The following KANK1 variants were observed in gnomAD, a reference collection of about 807,000 sequenced individuals.
KANK1 encodes the protein KN motif and ankyrin repeat domains 1.
A neutral mutation model predicts 106.2 loss-of-function variants in KANK1; 109 were observed. The ratio of observed to expected loss-of-function variants is 1.03; its 90% CI spans 0.88 to 1.20. KANK1 has a LOEUF of 1.20. KANK1 is among the 50% of genes most tolerant of loss of function. The pLI is 0.00. For synonymous variants in KANK1, 873 were observed against 652.2 expected (o/e 1.34, Z -5.16); for missense variants, 2,399 against 1,710.7 (o/e 1.40, Z -7.10).
intron 1 of KANK1, among the ~76,000 whole-genome samples, chr9:639,653 C>A (rs1407665078): frequency 1.3e-5 from 2 of 152,212 alleles, no homozygotes; most frequent in African/African-American, 4.8e-5. Context: ...GCCACACCCT[C>A]TGCCTTCTGT....
At chr9:563,179 AT>A (rs1816931846) in intron 1 of KANK1, among the ~76,000 whole-genome samples, 1 of 83,874 alleles carries the variant, frequency 1.2e-5, no homozygotes. Flanking sequence ...TGAATGAAAT[AT>A]TTTGTCAGAC....
intron 1 of KANK1, among the ~76,000 whole-genome samples, chr9:511,943 C>T (rs7849531): frequency 0.15 from 22,766 of 151,986 alleles, 3,291 homozygotes; most frequent in African/African-American, 0.38. Context: ...CTGCTGCTTT[C>T]GGTGTTGACT....
At chr9:618,736 C>G (rs1232793070) in intron 1 of KANK1, among the ~76,000 whole-genome samples, 1 of 152,048 alleles carries the variant, frequency 6.6e-6, no homozygotes, top group Admixed American at 6.5e-5. Flanking sequence ...ACCACAACAT[C>G]CAAACTGGTC....
chr9:714,624 C>G (rs573484242), intron 3 of KANK1, among the ~76,000 whole-genome samples: 2 of 152,222 alleles, frequency 1.3e-5, no homozygotes, highest in Admixed American at 1.3e-4. Flanking sequence ...TCCCAAAGTG[C>G]TGGGATTACA....
chr9:689,949 T>C (rs1819473489), intron 2 of KANK1, among the ~76,000 whole-genome samples: 2 of 151,748 alleles, frequency 1.3e-5, no homozygotes, highest in African/African-American at 4.8e-5. Flanking sequence ...TTGTTTTGAT[T>C]GTTGTCCTTG....
intron 1 of KANK1, among the ~76,000 whole-genome samples, chr9:576,754 G>A (rs988779594): frequency 1.0e-4 from 15 of 150,652 alleles, no homozygotes; most frequent in Non-Finnish European, 1.3e-4. Flanking sequence ...GAAGAGGAGG[G>A]ACCTTGTTTT....
chr9:609,359 G>GGCTCACGCCTGTAATCCCA (rs1830056914), intron 1 of KANK1, among the ~76,000 whole-genome samples: 2 of 152,142 alleles, frequency 1.3e-5, no homozygotes, highest in African/African-American at 4.8e-5. Flanking sequence ...TGGGCATCGT[G>GGCTCACGCCTGTAATCCCA]GCTCACGCCT....
chr9:517,290 G>A (rs893014944), intron 1 of KANK1, among the ~76,000 whole-genome samples: 8 of 151,612 alleles, frequency 5.3e-5, no homozygotes, highest in Non-Finnish European at 1.5e-5. Flanking sequence ...TTTGAGTAGA[G>A]ACAGGGTTTC....
Position 744,539 on chromosome 9 carries a change from A to G in KANK1, c.3946A>G (p.Ile1316Val), listed in dbSNP as rs971050885. The G allele has an allele frequency of 5.0e-6, 8 of 1,614,066 alleles. No individual in the cohort carries two copies. In the African/African-American group the frequency reaches 6.7e-5, roughly 13 times the overall value. ...CGCCCTGGAAGCAGGACACAAGGAC[A>G]TCGCTGTTCTTCTGTATGCCCATGT... ...SIALEAGHKD[I>V]AVLLYAHVNF... Residue 1316 changes from isoleucine (I) to valine (V), a missense_variant, in exon 11 of 12, where the codon ATC (isoleucine) becomes GTC (valine). Transcript: ENST00000382297.
chr9:732,577 G>T lies in KANK1; in HGVS notation c.3205G>T (p.Val1069Phe), dbSNP rs751843923. ...KSARVEDEMQ[V>F]QECEPEKVEI... is the part of the protein sequence containing the mutation. ...TGCCAGGGTGGAAGATGAAATGCAG[G>T]TTCAAGAATGTGAACCTGAGAAGGT... is the stretch of plus-strand genomic sequence containing the variant. The change falls in exon 6 of 12, where the codon GTT becomes TTT. Residue 1069 changes from valine (V) to phenylalanine (F), a missense_variant. Physicochemically the swap from Val to Phe is conservative, Grantham distance 50. Transcript: ENST00000382297. 4.3e-6 allele frequency: 7 copies of T among 1,614,068 alleles called. No individual in the cohort carries two copies. Among genetic ancestry groups the T allele is most frequent in the South Asian group, 1.1e-5 (1 of 91,086 alleles).
chr9:485,435 C>A (rs1458658223), intron 3 of KANK1, among the ~76,000 whole-genome samples: 1 of 152,172 alleles, frequency 6.6e-6, no homozygotes, highest in East Asian at 1.9e-4. Context: ...ACAAAAAGAT[C>A]TCTTGTGCCA....
chr9:543,970 T>C (rs556571782), intron 1 of KANK1, among the ~76,000 whole-genome samples: 2 of 152,288 alleles, frequency 1.3e-5, no homozygotes, highest in Admixed American at 6.5e-5. Flanking sequence ...ACGCTATCTT[T>C]ATTTGCTTAG....
intron 2 of KANK1, among the ~76,000 whole-genome samples, chr9:682,240 A>G (rs1477169154): frequency 6.6e-6 from 1 of 151,974 alleles, no homozygotes; most frequent in Non-Finnish European, 1.5e-5. Context: ...ACACAGTGCT[A>G]CTGCACTCCA....
At chr9:482,163 A>G (rs1212963760) in intron 3 of KANK1, among the ~76,000 whole-genome samples, 2 of 152,282 alleles carry the variant, frequency 1.3e-5, no homozygotes, top group East Asian at 1.9e-4. Context: ...CGCCTGGTAC[A>G]TATCCCAGCC....
intron 1 of KANK1, among the ~76,000 whole-genome samples, chr9:653,642 G>A (rs1333264986): frequency 6.6e-6 from 1 of 152,100 alleles, no homozygotes; most frequent in Non-Finnish European, 1.5e-5. Flanking sequence ...TGTAAAGCCT[G>A]TCCCTGGGTT....
Position 711,040 on chromosome 9 carries a change from C to G in KANK1, c.274C>G (p.Leu92Val), listed in dbSNP as rs769916922. 15 of 1,614,176 alleles carry G rather than the reference C, an allele frequency of 9.3e-6. No individual in the cohort carries two copies. The highest frequency in any genetic ancestry group is 1.3e-5 in the Non-Finnish European group (15 of 1,180,024). ...AGGTATATGGACTTCCACTGAATCC[C>G]TCTCATCCTCCAACAGTGATGACAA... ...QQGIWTSTESLSSSNSDDNKQ... is the reference protein window; with the variant it reads ...QQGIWTSTESVSSSNSDDNKQ... The change falls in exon 3 of 12, where the codon CTC becomes GTC. Residue 92 changes from leucine to valine, a missense_variant. Coordinates refer to ENST00000382297, the MANE Select transcript of KANK1 (RefSeq NM_015158.5).
chr9:681,678 G>T (rs1817583796), intron 2 of KANK1, among the ~76,000 whole-genome samples: 1 of 152,116 alleles, frequency 6.6e-6, no homozygotes, highest in Non-Finnish European at 1.5e-5. Flanking sequence ...TTGTTCTCTT[G>T]TCCTTGTCAT....
chr9:581,827 G>A (rs1296216132), intron 1 of KANK1, among the ~76,000 whole-genome samples: 1 of 152,090 alleles, frequency 6.6e-6, no homozygotes, highest in African/African-American at 2.4e-5. Flanking sequence ...GCTAGGGAGG[G>A]TGCTTTGTCA....
chr9:545,746 TTTTTTAA>T (rs2060889280), intron 1 of KANK1, among the ~76,000 whole-genome samples: 1 of 108,466 alleles, frequency 9.2e-6, no homozygotes, highest in Admixed American at 1.2e-4. Context: ...TTTTTTTTTT[TTTTTTAA>T]ATTCCCTGAG....
Sources: gnomAD v4.1 joint callset for allele counts (sites outside exome capture counted in the v4.1 genomes callset) on GRCh38, gnomAD v4.1.1 for gene constraint, MANE v1.5 for transcripts, NCBI Gene and HGNC (gene_info 2026-07-23, HGNC 2026-07-21) for gene names.